Variants in KIAA1217 observed in about 807,000 individuals in gnomAD.
KIAA1217 encodes sickle tail protein homolog.
Under a neutral mutation model 163.9 loss-of-function variants are expected in KIAA1217, and 88 were observed. The ratio of observed to expected loss-of-function variants is 0.54; its 90% CI spans 0.45 to 0.64. The LOEUF is 0.64. Ranked by LOEUF, KIAA1217 falls within the 30% of genes least tolerant of loss-of-function variation. The pLI is 0.00. For synonymous variants in KIAA1217, 903 were observed against 923.1 expected (o/e 0.98, Z 0.39); for missense variants, 2,372 against 2,475.0 (o/e 0.96, Z 0.88).
At chr10:24,427,076 A>G (rs76517285) in intron 3 of KIAA1217, among the ~76,000 whole-genome samples, 2,863 of 152,198 alleles carry the variant, frequency 0.019, 93 homozygotes, top group African/African-American at 0.065. Flanking sequence ...TAAAATCCAC[A>G]TTCCTTTGCA....
At chr10:24,506,533 A>G (rs768504603) in intron 9 of KIAA1217, among the ~76,000 whole-genome samples, 2 of 152,246 alleles carry the variant, frequency 1.3e-5, no homozygotes, top group Non-Finnish European at 2.9e-5. Context: ...AAAAATGGCA[A>G]AGCATTTTCA....
At chr10:23,725,866 G>A (rs553352889) in intron 1 of KIAA1217, among the ~76,000 whole-genome samples, 25 of 152,298 alleles carry the variant, frequency 1.6e-4, no homozygotes, top group African/African-American at 5.5e-4. Context: ...ATAAGCAGCT[G>A]TCTGCTAATA....
intron 2 of KIAA1217, among the ~76,000 whole-genome samples, chr10:24,329,580 G>A (rs2045394377): frequency 6.6e-6 from 1 of 152,116 alleles, no homozygotes. Context: ...AGCATGAATA[G>A]CCCTGCATTT....
At chr10:24,044,203 C>T (rs1279129897) in intron 2 of KIAA1217, among the ~76,000 whole-genome samples, 1 of 152,084 alleles carries the variant, frequency 6.6e-6, no homozygotes, top group African/African-American at 2.4e-5. Context: ...CAATAGAAAC[C>T]TTTAATAGTT....
chr10:24,066,009 C>A lies in KIAA1217; in HGVS notation c.-171+58635C>A, dbSNP rs1285464773. Among the ~76,000 whole-genome samples, 5 of 151,386 alleles carry A rather than the reference C, an allele frequency of 3.3e-5. No homozygotes were observed. In the South Asian group the frequency reaches 6.3e-4, roughly 19 times the overall value. On this transcript the variant is annotated intron_variant, in intron 2 of 18. Transcript: ENST00000376462. The stretch of plus-strand genomic sequence containing the variant: ...CCATTTGCTTGGTAGATCTTCCTCC[C>A]TCCCTTTATTTTGAGCCTATGTGTG...
chr10:24,284,287 G>A (rs1401984365), intron 2 of KIAA1217, among the ~76,000 whole-genome samples: 1 of 152,102 alleles, frequency 6.6e-6, no homozygotes, highest in Non-Finnish European at 1.5e-5. Flanking sequence ...AGGGTATACT[G>A]TATGATGCTG....
intron 2 of KIAA1217, among the ~76,000 whole-genome samples, chr10:24,379,597 T>G (rs528558735): frequency 6.6e-6 from 1 of 152,152 alleles, no homozygotes; most frequent in East Asian, 1.9e-4. Flanking sequence ...TTGGTTCTGT[T>G]GAGAGGGGTC....
At chr10:24,037,865 T>C (rs1848463798) in intron 2 of KIAA1217, among the ~76,000 whole-genome samples, 1 of 152,216 alleles carries the variant, frequency 6.6e-6, no homozygotes, top group Admixed American at 6.5e-5. Flanking sequence ...CTTTTTTGCT[T>C]TGGTGCTAGG....
intron 3 of KIAA1217, among the ~76,000 whole-genome samples, chr10:24,386,234 T>C (rs975732737): frequency 6.6e-6 from 1 of 152,188 alleles, no homozygotes; most frequent in Non-Finnish European, 1.5e-5. Context: ...AAAATGATCT[T>C]AAGTGGCATA....
chr10:23,905,062 CCTT>C (rs1842099164), intron 1 of KIAA1217, among the ~76,000 whole-genome samples: 1 of 106,924 alleles, frequency 9.4e-6, no homozygotes, highest in African/African-American at 4.4e-5. Flanking sequence ...TTTCTCTTTT[CCTT>C]TTTTTTTTTT....
At chr10:24,058,820 C>T (rs748329327) in intron 2 of KIAA1217, among the ~76,000 whole-genome samples, 2 of 151,990 alleles carry the variant, frequency 1.3e-5, no homozygotes, top group African/African-American at 4.8e-5. Context: ...TGTTAGGTAA[C>T]GTCATCTGCA....
chr10:23,813,495 C>T (rs1428462856), intron 1 of KIAA1217, among the ~76,000 whole-genome samples: 1 of 151,554 alleles, frequency 6.6e-6, no homozygotes, highest in Non-Finnish European at 1.5e-5. Flanking sequence ...TGGTTTGATC[C>T]TGTTTTTCTC....
At chr10:24,325,445 G>T (rs1415417038) in intron 2 of KIAA1217, among the ~76,000 whole-genome samples, 1 of 152,208 alleles carries the variant, frequency 6.6e-6, no homozygotes, top group Non-Finnish European at 1.5e-5. Flanking sequence ...GAGTAAGAGT[G>T]AGAAGGTCAT....
rs529824091 is a variant in KIAA1217 at position 24,032,734 on chromosome 10, CT to C, written c.-171+25364del. On this transcript the variant is annotated intron_variant, in intron 2 of 18. Transcript: ENST00000376462. The stretch of plus-strand genomic sequence containing the variant: ...TATTACTAATTAGTCATAAGAATAA[CT>C]TTTAAGTCACCCAGCGCTTTGGGGT... Among the ~76,000 whole-genome samples the C allele has an allele frequency of 9.0e-3, 1,363 of 152,252 alleles. 15 individuals are homozygous for C. The highest frequency in any genetic ancestry group is 0.015 in the Non-Finnish European group (1,036 of 68,020).
At chr10:24,518,059 G>A (rs2070479346) in intron 10 of KIAA1217, among the ~76,000 whole-genome samples, 1 of 152,070 alleles carries the variant, frequency 6.6e-6, no homozygotes, top group African/African-American at 2.4e-5. Context: ...AATAATAATT[G>A]GTCTTCTAAT....
intron 6 of KIAA1217, among the ~76,000 whole-genome samples, chr10:24,494,147 A>C (rs751977501): frequency 6.6e-6 from 1 of 152,216 alleles, no homozygotes; most frequent in Non-Finnish European, 1.5e-5. Context: ...GGCCTGGGAC[A>C]CTGCGAATGC....
chr10:23,789,018 A>G (rs990884738), intron 1 of KIAA1217, among the ~76,000 whole-genome samples: 12 of 152,376 alleles, frequency 7.9e-5, no homozygotes, highest in Admixed American at 1.3e-4. Context: ...GGCATTTGCC[A>G]ATAAAAGGCA....
chr10:24,185,700 C>T (rs1167438058), intron 2 of KIAA1217, among the ~76,000 whole-genome samples: 1 of 152,072 alleles, frequency 6.6e-6, no homozygotes, highest in Non-Finnish European at 1.5e-5. Context: ...GAGGTTGAGG[C>T]AGGAGAATTG....
chr10:23,725,368 T>G (rs1184507903), intron 1 of KIAA1217, among the ~76,000 whole-genome samples: 4 of 152,200 alleles, frequency 2.6e-5, no homozygotes, highest in African/African-American at 9.6e-5. Flanking sequence ...GAAGGCAGTT[T>G]CAGCAGAAAG....
Sources: allele counts gnomAD v4.1 joint callset (sites outside exome capture counted in the v4.1 genomes callset), GRCh38; gene constraint gnomAD v4.1.1; transcripts MANE v1.5; gene names NCBI Gene and HGNC (gene_info 2026-07-23, HGNC 2026-07-21).